The following ST7 variants were observed in gnomAD, a reference collection of about 807,000 sequenced individuals.
ST7 encodes suppressor of tumorigenicity 7 protein.
A neutral mutation model predicts 78.7 loss-of-function variants in ST7; 28 were observed. That is an observed-to-expected ratio of 0.36 (90% CI 0.26 to 0.49). The LOEUF is 0.49. ST7 is among the 20% of genes least tolerant of loss of function. The pLI, the probability that ST7 is intolerant of heterozygous loss-of-function variation, is 0.99. For synonymous variants in ST7, 247 were observed against 249.6 expected (o/e 0.99, Z 0.10); for missense variants, 418 against 696.0 (o/e 0.60, Z 4.49).
chr7:117,167,510 A>G (rs1159530599), intron 9 of ST7, among the ~76,000 whole-genome samples: 1 of 151,888 alleles, frequency 6.6e-6, no homozygotes. Flanking sequence ...TCATCTCAGT[A>G]TTAGGTGTGT....
intron 1 of ST7, among the ~76,000 whole-genome samples, chr7:117,082,944 G>T (rs771433274): frequency 6.6e-6 from 1 of 152,116 alleles, no homozygotes. Flanking sequence ...TTAAATAGTC[G>T]CTCTGTTTGT....
intron 1 of ST7, among the ~76,000 whole-genome samples, chr7:117,097,908 A>ATTTTTTTTTTT (rs751549285): frequency 1.7e-4 from 5 of 30,012 alleles, no homozygotes; most frequent in African/African-American, 4.8e-4. Flanking sequence ...ATATATATAT[A>ATTTTTTTTTTT]TTTTTTTTTT....
chr7:117,010,880 C>T (rs1047840850), intron 1 of ST7, among the ~76,000 whole-genome samples: 31 of 152,144 alleles, frequency 2.0e-4, no homozygotes, highest in African/African-American at 7.0e-4. Context: ...ACCGTGGACT[C>T]GCGTGGCAGG....
intron 14 of ST7, among the ~76,000 whole-genome samples, chr7:117,221,379 T>C (rs1793077196): frequency 6.6e-6 from 1 of 152,134 alleles, no homozygotes; most frequent in South Asian, 2.1e-4. Flanking sequence ...TTGCTGGATA[T>C]CTCTCTATGA....
chr7:117,004,113 A>G (rs570666897), intron 1 of ST7, among the ~76,000 whole-genome samples: 3 of 152,336 alleles, frequency 2.0e-5, no homozygotes, highest in Admixed American at 2.0e-4. Flanking sequence ...GCCAATTAGT[A>G]TGGATCACAC....
At chr7:116,972,266 T>C in intron 1 of ST7, 1 of 552,720 alleles carries the variant, frequency 1.8e-6, no homozygotes, top group South Asian at 1.6e-5. Context: ...TCTTCAATTG[T>C]ATTTTCCAGC....
At chr7:117,018,696 G>A (rs1341152059) in intron 1 of ST7, among the ~76,000 whole-genome samples, 1 of 152,142 alleles carries the variant, frequency 6.6e-6, no homozygotes, top group East Asian at 1.9e-4. Flanking sequence ...TTAACCATCT[G>A]TCAAATGTGG....
chr7:117,093,651 A>G (rs1358107201), intron 1 of ST7, among the ~76,000 whole-genome samples: 1 of 152,204 alleles, frequency 6.6e-6, no homozygotes, highest in Non-Finnish European at 1.5e-5. Flanking sequence ...CAGTCAGCCA[A>G]GATCGCACCA....
intron 3 of ST7, chr7:117,128,272 CA>C (rs1230199446): frequency 2.0e-5 from 3 of 151,786 alleles, no homozygotes; most frequent in Non-Finnish European, 4.4e-5. Flanking sequence ...GCCATAAGAG[CA>C]GGGATTATGG....
intron 9 of ST7, chr7:117,144,209 T>G (rs957573603): frequency 1.3e-5 from 2 of 152,172 alleles, no homozygotes; most frequent in Non-Finnish European, 2.9e-5. Context: ...GGCTAATATC[T>G]GCTTCTGTAT....
At chr7:117,140,008 T>C (rs989687694) in intron 9 of ST7, among the ~76,000 whole-genome samples, 1 of 152,210 alleles carries the variant, frequency 6.6e-6, no homozygotes, top group Non-Finnish European at 1.5e-5. Flanking sequence ...TTTAATTAGC[T>C]TGGAACAGGC....
chr7:117,121,195 G>A (rs908964268), intron 3 of ST7, among the ~76,000 whole-genome samples: 3 of 152,178 alleles, frequency 2.0e-5, no homozygotes. Context: ...GCTCATGCCT[G>A]GTGACTGAAT....
chr7:117,105,646 ATAGT>A (rs1489034572), intron 2 of ST7, among the ~76,000 whole-genome samples: 4 of 152,354 alleles, frequency 2.6e-5, no homozygotes, highest in South Asian at 2.1e-4. Context: ...TGTTTGACAG[ATAGT>A]TAGGGTGACT....
At chr7:117,097,908 A>ATATATATATATATATATATATTTTT in intron 1 of ST7, among the ~76,000 whole-genome samples, 1 of 30,018 alleles carries the variant, frequency 3.3e-5, no homozygotes, top group Non-Finnish European at 5.4e-5. Flanking sequence ...ATATATATAT[A>ATATATATATATATATATATATTTTT]TTTTTTTTTT....
At chr7:117,014,850 G>T in intron 1 of ST7, 1 of 496,424 alleles carries the variant, frequency 2.0e-6, no homozygotes. Flanking sequence ...AGCCGTTGCC[G>T]CTTGAGAGAG....
At chr7:116,964,957 G>C (rs1324773258) in intron 1 of ST7, among the ~76,000 whole-genome samples, 1 of 152,168 alleles carries the variant, frequency 6.6e-6, no homozygotes, top group African/African-American at 2.4e-5. Context: ...AGCAAATTCT[G>C]TTCTTAGAGG....
At chr7:116,992,339 G>A (rs565922324) in intron 1 of ST7, among the ~76,000 whole-genome samples, 8 of 152,288 alleles carry the variant, frequency 5.3e-5, no homozygotes, top group South Asian at 4.1e-4. Flanking sequence ...ATCTCCATAC[G>A]TCTTCTGAAA....
rs115258162 is a variant in ST7, at chr7:117,176,243, G to A, written c.1078+5267G>A. On this transcript the variant is annotated intron_variant, in intron 10 of 15. Transcript: ENST00000323984. ...TTCCTTCTCAAACGAACTAGGGACA[G>A]CTGGTCTTTCTTACAGTCACAAAAG... 1.2e-3 allele frequency among the ~76,000 whole-genome samples: 182 copies of A among 152,300 alleles called. 1 individual carries two copies. Among genetic ancestry groups the A allele is most frequent in the African/African-American group, 4.2e-3 (174 of 41,552 alleles).
chr7:117,169,658 G>A (rs1248304367), intron 9 of ST7, among the ~76,000 whole-genome samples: 2 of 152,044 alleles, frequency 1.3e-5, no homozygotes, highest in African/African-American at 4.8e-5. Flanking sequence ...AATTCAGTCT[G>A]CCCAGGCTCA....
Sources: allele counts gnomAD v4.1 joint callset (sites outside exome capture counted in the v4.1 genomes callset), GRCh38; gene constraint gnomAD v4.1.1; transcripts MANE v1.5; gene names NCBI Gene and HGNC (gene_info 2026-07-23, HGNC 2026-07-21).